SLC71A2: variants seen among roughly 807,000 people sequenced by gnomAD.
SLC71A2 encodes solute carrier family 71 member 2.
chr9:94,442,153 T>G, the SLC71A2 span, among the ~76,000 whole-genome samples: 7 of 152,116 alleles, frequency 4.6e-5, no homozygotes, highest in African/African-American at 1.7e-4. Flanking sequence ...TGGAGGGAGA[T>G]TGAATGCCAG....
chr9:94,407,679 A>G, the SLC71A2 span, among the ~76,000 whole-genome samples: 1 of 151,792 alleles, frequency 6.6e-6, no homozygotes, highest in Non-Finnish European at 1.5e-5. Flanking sequence ...GCCTGGCCCT[A>G]TAGTTTTCTT....
the SLC71A2 span, among the ~76,000 whole-genome samples, chr9:94,445,537 A>C: frequency 1.3e-5 from 2 of 152,216 alleles, no homozygotes; most frequent in Admixed American, 1.3e-4. Context: ...AAAAGGATAA[A>C]TGCCTTTGGT....
At chr9:94,416,082 G>A in the SLC71A2 span, among the ~76,000 whole-genome samples, 1 of 152,158 alleles carries the variant, frequency 6.6e-6, no homozygotes, top group Non-Finnish European at 1.5e-5. Context: ...TTTCATCTAT[G>A]ATGCGGTTAG....
chr9:94,399,705 T>G, the SLC71A2 span, among the ~76,000 whole-genome samples: 1 of 152,178 alleles, frequency 6.6e-6, no homozygotes, highest in Admixed American at 6.5e-5. Flanking sequence ...AACTATAGCA[T>G]AACAGTGTTT....
At chr9:94,422,563 A>G in the SLC71A2 span, among the ~76,000 whole-genome samples, 2 of 152,148 alleles carry the variant, frequency 1.3e-5, no homozygotes, top group Non-Finnish European at 2.9e-5. Context: ...GTTCAGCATC[A>G]CTATGTAGTG....
the SLC71A2 span, among the ~76,000 whole-genome samples, chr9:94,396,419 G>A: frequency 6.6e-6 from 1 of 152,210 alleles, no homozygotes; most frequent in Non-Finnish European, 1.5e-5. Context: ...GAAGGCTGAG[G>A]CATGAAAATG....
At chr9:94,460,960 TTTGGGTTCTCTG>T in the SLC71A2 span, 1 of 152,144 alleles carries the variant, frequency 6.6e-6, no homozygotes, top group Non-Finnish European at 1.5e-5. Context: ...GTATTGCTCT[TTTGGGTTCTCTG>T]TTGGGTGGCT....
At chr9:94,412,232 A>G in the SLC71A2 span, among the ~76,000 whole-genome samples, 1 of 152,200 alleles carries the variant, frequency 6.6e-6, no homozygotes, top group Non-Finnish European at 1.5e-5. Context: ...TTTCTTGCCA[A>G]TCTTTTTATT....
the SLC71A2 span, among the ~76,000 whole-genome samples, chr9:94,425,628 T>A: frequency 6.6e-6 from 1 of 152,046 alleles, no homozygotes; most frequent in Admixed American, 6.6e-5. Context: ...CTGCAAAATA[T>A]CTCAAGCAGT....
At chr9:94,452,165 A>T in the SLC71A2 span, among the ~76,000 whole-genome samples, 1 of 152,260 alleles carries the variant, frequency 6.6e-6, no homozygotes, top group African/African-American at 2.4e-5. Context: ...CTGGATTGCA[A>T]AATCAACTAG....
At chr9:94,447,159 A>G in the SLC71A2 span, among the ~76,000 whole-genome samples, 2 of 152,138 alleles carry the variant, frequency 1.3e-5, no homozygotes, top group South Asian at 2.1e-4. Flanking sequence ...AGAATTAACC[A>G]GAATTAGCAG....
chr9:94,387,054 G>A, the SLC71A2 span, among the ~76,000 whole-genome samples: 10 of 151,698 alleles, frequency 6.6e-5, no homozygotes, highest in Admixed American at 2.6e-4. Flanking sequence ...CCCCATACTC[G>A]GTGGTTTTCT....
At chr9:94,413,605 A>G in the SLC71A2 span, among the ~76,000 whole-genome samples, 1 of 144,810 alleles carries the variant, frequency 6.9e-6, no homozygotes, top group Non-Finnish European at 1.5e-5. Flanking sequence ...CTTTGCAGTA[A>G]GCTGAGATCA....
At chr9:94,449,240 T>C in the SLC71A2 span, among the ~76,000 whole-genome samples, 1 of 152,242 alleles carries the variant, frequency 6.6e-6, no homozygotes, top group Non-Finnish European at 1.5e-5. Context: ...AATCATTCCA[T>C]ATTATTTTAT....
chr9:94,426,612 A>G, the SLC71A2 span, among the ~76,000 whole-genome samples: 3 of 152,132 alleles, frequency 2.0e-5, no homozygotes, highest in African/African-American at 7.2e-5. Flanking sequence ...AGCTCTGTGT[A>G]TGTTTATTAC....
At chr9:94,455,606 C>T in the SLC71A2 span, among the ~76,000 whole-genome samples, 1 of 152,090 alleles carries the variant, frequency 6.6e-6, no homozygotes, top group African/African-American at 2.4e-5. Flanking sequence ...CTGATTTAGT[C>T]ACATTCATGT....
the SLC71A2 span, among the ~76,000 whole-genome samples, chr9:94,433,615 C>T: frequency 9.3e-5 from 14 of 151,152 alleles, no homozygotes; most frequent in Admixed American, 3.9e-4. Context: ...ACAACCTAGA[C>T]ACGATTTACA....
At chr9:94,407,191 CTT>C in the SLC71A2 span, among the ~76,000 whole-genome samples, 2 of 151,218 alleles carry the variant, frequency 1.3e-5, no homozygotes, top group African/African-American at 4.9e-5. Context: ...GGTTTTTCCT[CTT>C]TATTTTAATG....
chr9:94,414,463 G>C, the SLC71A2 span, among the ~76,000 whole-genome samples: 1 of 152,164 alleles, frequency 6.6e-6, no homozygotes, highest in Non-Finnish European at 1.5e-5. Flanking sequence ...TCAGGCCTTT[G>C]AGCATGTGAT....
Sources: gnomAD v4.1 joint callset for allele counts (sites outside exome capture counted in the v4.1 genomes callset) on GRCh38, gnomAD v4.1.1 for gene constraint, MANE v1.5 for transcripts, NCBI Gene and HGNC (gene_info 2026-07-23, HGNC 2026-07-21) for gene names.